Variants in PLA2G6 observed in about 807,000 individuals in gnomAD.
PLA2G6 encodes phospholipase A2 group VI.
In PLA2G6, 62 loss-of-function variants were observed where a neutral mutation model predicts 83.8. The observed-to-expected ratio is 0.74, with a 90% confidence interval of 0.60 to 0.91. PLA2G6 has a LOEUF of 0.91. Among genes scored for constraint, PLA2G6 ranks in the 40% least tolerant of loss-of-function variants. The probability of loss-of-function intolerance (pLI) is 0.00; values close to 1 mark genes in which losing one functional copy is unlikely to be tolerated. For synonymous variants in PLA2G6, 417 were observed against 449.8 expected (o/e 0.93, Z 0.92); for missense variants, 944 against 1,102.0 (o/e 0.86, Z 2.03).
At chr22:38,112,985 C>T (rs560408488) in intron 15 of PLA2G6, 8 of 357,866 alleles carry the variant, frequency 2.2e-5, no homozygotes, top group Admixed American at 4.2e-5. Flanking sequence ...CAGCTCACTG[C>T]AGCCTCTGCC....
chr22:38,130,485 T>G (rs2088143384), intron 7 of PLA2G6: 1 of 151,770 alleles, frequency 6.6e-6, no homozygotes, highest in Admixed American at 6.6e-5. Flanking sequence ...GCCCAGCTAA[T>G]TTTTTGTATT....
At chr22:38,156,651 C>T (rs1210542386) in intron 2 of PLA2G6, among the ~76,000 whole-genome samples, 1 of 152,060 alleles carries the variant, frequency 6.6e-6, no homozygotes, top group Non-Finnish European at 1.5e-5. Context: ...GACGGGGTTT[C>T]ACTGTGTTAG....
chr22:38,140,185 G>C lies in PLA2G6; in HGVS notation c.610-16C>G. On this transcript the variant is annotated splice_polypyrimidine_tract_variant and intron_variant, in intron 4 of 16. Coordinates refer to ENST00000332509, the MANE Select transcript of PLA2G6 (RefSeq NM_003560.4). Reference sequence around the variant, plus strand: ...TTCCAAGGAGCTGATGAAAGAGGAAGGGAAGTTTGACTCCATAGGATGCTG... The same window carrying C: ...TTCCAAGGAGCTGATGAAAGAGGAACGGAAGTTTGACTCCATAGGATGCTG... 1 of 1,613,236 alleles carries C rather than the reference G, an allele frequency of 6.2e-7. No homozygotes were observed. The highest frequency in any genetic ancestry group is 8.5e-7 in the Non-Finnish European group (1 of 1,179,420).
chr22:38,115,822 C>T (rs370731849), intron 13 of PLA2G6, 141 bp from the exon 14 acceptor site: 24 of 1,476,850 alleles, frequency 1.6e-5, no homozygotes, highest in East Asian at 4.9e-5. Flanking sequence ...GCAGGACCCA[C>T]GAAGCCACAC....
intron 2 of PLA2G6, among the ~76,000 whole-genome samples, chr22:38,157,241 C>A (rs2089820908): frequency 6.6e-6 from 1 of 150,874 alleles, no homozygotes; most frequent in South Asian, 2.1e-4. Flanking sequence ...AGAGAGAAAA[C>A]CCAAACAAAA....
intron 1 of PLA2G6, among the ~76,000 whole-genome samples, chr22:38,174,286 T>A (rs371114065): frequency 4.6e-5 from 7 of 151,720 alleles, no homozygotes; most frequent in African/African-American, 1.7e-4. Flanking sequence ...TAGTCCCAGC[T>A]ATTCGGGAGG....
chr22:38,160,297 G>A (rs181489206), intron 2 of PLA2G6, among the ~76,000 whole-genome samples: 235 of 152,216 alleles, frequency 1.5e-3, no homozygotes, highest in Non-Finnish European at 2.6e-3. Context: ...GAAAACAGAC[G>A]GGCGGTATTA....
chr22:38,129,672 C>G, intron 7 of PLA2G6, 110 bp from the exon 8 acceptor site: 1 of 777,600 alleles, frequency 1.3e-6, no homozygotes, highest in Non-Finnish European at 2.3e-6. Flanking sequence ...GGCCTCTCCT[C>G]AGCACGGGGA....
intron 2 of PLA2G6, 181 bp from the exon 3 acceptor site, chr22:38,145,834 C>CACACACACACACACACACA (rs1602186509): frequency 4.8e-6 from 3 of 626,908 alleles, no homozygotes; most frequent in Non-Finnish European, 8.7e-6. Flanking sequence ...CACACACACA[C>CACACACACACACACACACA]CCCTATACAC....
chr22:38,148,771 T>G, intron 2 of PLA2G6: 2 of 457,764 alleles, frequency 4.4e-6, no homozygotes, highest in South Asian at 8.0e-5. Flanking sequence ...TTCCAGAAAC[T>G]AGACTGAGGT....
At chr22:38,160,082 A>G (rs1385774132) in intron 2 of PLA2G6, among the ~76,000 whole-genome samples, 1 of 152,224 alleles carries the variant, frequency 6.6e-6, no homozygotes, top group Non-Finnish European at 1.5e-5. Context: ...AAGAGAATTG[A>G]GCTGATACTT....
chr22:38,162,324 G>C (rs2090050918), intron 2 of PLA2G6, among the ~76,000 whole-genome samples: 1 of 152,094 alleles, frequency 6.6e-6, no homozygotes, highest in South Asian at 2.1e-4. Flanking sequence ...GGTGATGCCA[G>C]GATGACGAAG....
chr22:38,117,760 G>A (rs898453054), intron 12 of PLA2G6, among the ~76,000 whole-genome samples: 9 of 152,108 alleles, frequency 5.9e-5, no homozygotes, highest in African/African-American at 1.7e-4. Context: ...AGTCATGGCC[G>A]GGCACGGTGG....
At chr22:38,166,351 G>A (rs576431024) in intron 2 of PLA2G6, among the ~76,000 whole-genome samples, 8 of 152,266 alleles carry the variant, frequency 5.3e-5, no homozygotes, top group East Asian at 3.9e-4. Flanking sequence ...GGAAAGGTTC[G>A]GGTGGGAGCA....
At chr22:38,115,734 C>A in intron 13 of PLA2G6, 53 bp from the exon 14 acceptor site, 1 of 1,551,740 alleles carries the variant, frequency 6.4e-7, no homozygotes, top group Non-Finnish European at 8.7e-7. Flanking sequence ...GGCATAAAAC[C>A]CATGCACTCC....
chr22:38,162,281 T>C (rs1033758495), intron 2 of PLA2G6, among the ~76,000 whole-genome samples: 1 of 143,806 alleles, frequency 7.0e-6, no homozygotes, highest in Non-Finnish European at 1.5e-5. Context: ...CCCCTAGCCA[T>C]GGTGGAGAAC....
chr22:38,151,573 T>A (rs901804005), intron 2 of PLA2G6, among the ~76,000 whole-genome samples: 82 of 152,266 alleles, frequency 5.4e-4, no homozygotes, highest in African/African-American at 1.9e-3. Flanking sequence ...ATGAACACGA[T>A]CCTAGATGGA....
intron 1 of PLA2G6, among the ~76,000 whole-genome samples, chr22:38,180,915 A>G (rs988057156): frequency 5.3e-5 from 8 of 152,186 alleles, no homozygotes; most frequent in African/African-American, 9.7e-5. Flanking sequence ...TGCAGCCTCA[A>G]CGTTGCCAAA....
chr22:38,128,670 C>T lies in PLA2G6; in HGVS notation c.1187-240G>A, dbSNP rs1273014750. On this transcript the variant is annotated intron_variant, in intron 8 of 16. Transcript: ENST00000332509. This position sits in a 1 kb window ranked among gnomAD's most constrained non-coding sequence, Gnocchi z 4.4. The stretch of plus-strand genomic sequence containing the variant: ...ATGGGAGGAGGAGGTCAGTGTCACC[C>T]TGCCCGATGCCTGTGGGAACCCCTT... Among the ~76,000 whole-genome samples, 1 of 152,202 alleles carries T rather than the reference C, an allele frequency of 6.6e-6. No homozygotes were observed. The highest frequency in any genetic ancestry group is 2.4e-5 in the African/African-American group (1 of 41,446).
Sources: allele counts gnomAD v4.1 joint callset (sites outside exome capture counted in the v4.1 genomes callset), GRCh38; gene constraint gnomAD v4.1.1; non-coding constraint Gnocchi (gnomAD v3.1); transcripts MANE v1.5; gene names NCBI Gene and HGNC (gene_info 2026-07-23, HGNC 2026-07-21).